The following IFT81 variants were observed in gnomAD, a reference collection of about 807,000 sequenced individuals.
IFT81 encodes the protein intraflagellar transport 81.
IFT81 carries 72 observed loss-of-function variants against 102.6 expected under a neutral mutation model. The observed-to-expected ratio is 0.70, with a 90% CI of 0.58 to 0.85. The LOEUF is 0.85. Ranked by LOEUF, IFT81 falls within the 40% of genes least tolerant of loss-of-function variation. IFT81 has a pLI of 0.00. For synonymous variants in IFT81, 237 were observed against 242.7 expected (o/e 0.98, Z 0.22); for missense variants, 723 against 787.3 (o/e 0.92, Z 0.98).
chr12:110,155,662 TAATC>T (rs922337564), intron 10 of IFT81, among the ~76,000 whole-genome samples: 12 of 152,310 alleles, frequency 7.9e-5, no homozygotes, highest in African/African-American at 2.6e-4. Flanking sequence ...TTTAATTAGA[TAATC>T]AATCTATTTA....
intron 12 of IFT81, among the ~76,000 whole-genome samples, chr12:110,187,016 G>A (rs1454849287): frequency 6.8e-6 from 1 of 146,804 alleles, no homozygotes; most frequent in Non-Finnish European, 1.5e-5. Context: ...TTTCTACTGT[G>A]CTATTTTTCC....
In IFT81 at chr12:110,155,373, C is replaced by T. The variant is rs138704898; in HGVS notation, c.1042-7546C>T. Among the ~76,000 whole-genome samples the T allele has an allele frequency of 4.1e-3, 621 of 152,156 alleles. 7 individuals are homozygous for T. Among genetic ancestry groups the T allele is most frequent in the South Asian group, 6.8e-3 (33 of 4,822 alleles). ...TTGCCCAGGCTGGAGTACAATGGCG[C>T]GATCTCAGCTCACTGCAACCTCCAC... On this transcript the variant is annotated intron_variant, in intron 10 of 18. Coordinates refer to ENST00000242591, the MANE Select transcript of IFT81 (RefSeq NM_014055.4).
intron 3 of IFT81, among the ~76,000 whole-genome samples, chr12:110,128,463 C>A (rs1055273599): frequency 2.0e-5 from 3 of 150,640 alleles, no homozygotes; most frequent in African/African-American, 7.3e-5. Flanking sequence ...CCAAATTTTT[C>A]TAATTTTCTA....
intron 10 of IFT81, among the ~76,000 whole-genome samples, chr12:110,150,915 T>A (rs1462140249): frequency 2.0e-5 from 3 of 152,134 alleles, no homozygotes; most frequent in Admixed American, 2.0e-4. Flanking sequence ...GAAGAACATA[T>A]TAAACACACT....
chr12:110,200,980 T>C (rs1289009517), intron 14 of IFT81, among the ~76,000 whole-genome samples: 2 of 152,056 alleles, frequency 1.3e-5, no homozygotes, highest in African/African-American at 4.8e-5. Flanking sequence ...TTTCTTACTT[T>C]ATAAACTTCT....
At chr12:110,191,910 C>G (rs1897815523) in intron 13 of IFT81, among the ~76,000 whole-genome samples, 1 of 152,062 alleles carries the variant, frequency 6.6e-6, no homozygotes, top group Non-Finnish European at 1.5e-5. Flanking sequence ...GTGGCTCACA[C>G]CTGTAATCCC....
chr12:110,166,027 G>A (rs563756074), intron 11 of IFT81, among the ~76,000 whole-genome samples: 12 of 152,268 alleles, frequency 7.9e-5, no homozygotes, highest in Middle Eastern at 3.4e-3. Flanking sequence ...TGGTTTTGCC[G>A]TTTACCAGCT....
At chr12:110,198,403 A>G (rs1364887455) in intron 14 of IFT81, among the ~76,000 whole-genome samples, 3 of 151,116 alleles carry the variant, frequency 2.0e-5, no homozygotes. Context: ...ACTGGTTTTC[A>G]TATTTTTATC....
chr12:110,196,550 G>T (rs1242284737), intron 14 of IFT81, among the ~76,000 whole-genome samples: 1 of 151,938 alleles, frequency 6.6e-6, no homozygotes, highest in Non-Finnish European at 1.5e-5. Context: ...AAATCTTCCT[G>T]GTTAAAAAAC....
chr12:110,127,363 A>G lies in IFT81; in HGVS notation c.-18A>G. On this transcript the variant is annotated 5_prime_UTR_variant, in exon 2 of 19. Coordinates refer to ENST00000242591, the MANE Select transcript of IFT81 (RefSeq NM_014055.4). ...TTTTTCTATTTTTACTCTTTAGTTA[A>G]AATTATAAGACCTAATTATGAGTGA... 6.7e-7 allele frequency: 1 copy of G among 1,502,778 alleles called. No homozygotes were observed. The highest frequency in any genetic ancestry group is 8.8e-7 in the Non-Finnish European group (1 of 1,131,722). 93.1% of individuals were successfully genotyped at this position (1,502,778 alleles called of 1,614,324 possible).
At chr12:110,167,194 C>T (rs1369365284) in intron 11 of IFT81, among the ~76,000 whole-genome samples, 1 of 151,854 alleles carries the variant, frequency 6.6e-6, no homozygotes, top group Non-Finnish European at 1.5e-5. Flanking sequence ...CATTGGTTTT[C>T]CTTATTAGTA....
chr12:110,179,755 T>C lies in IFT81; in HGVS notation c.1189-667T>C, dbSNP rs1268446787. ...ATATATATATATATATATATATATATATATATATATATATATATACACACA... is the reference window on the plus strand; with the variant it reads ...ATATATATATATATATATATATATACATATATATATATATATATACACACA... On this transcript the variant is annotated intron_variant, in intron 11 of 18. Transcript: ENST00000242591. 8.9e-4 allele frequency among the ~76,000 whole-genome samples: 51 copies of C among 57,140 alleles called. 3 individuals are homozygous for C. Among genetic ancestry groups the C allele is most frequent in the Middle Eastern group, 7.8e-3 (1 of 128 alleles). The allele number at this position is 57,140 out of a possible 152,430, so 37.5% of individuals were successfully genotyped here.
intron 10 of IFT81, among the ~76,000 whole-genome samples, chr12:110,152,391 T>A (rs1431252874): frequency 6.6e-6 from 1 of 152,176 alleles, no homozygotes. Flanking sequence ...TTACATTTCC[T>A]TGATGATTAG....
At chr12:110,177,958 G>C (rs1304880473) in intron 11 of IFT81, among the ~76,000 whole-genome samples, 1 of 150,912 alleles carries the variant, frequency 6.6e-6, no homozygotes, top group Non-Finnish European at 1.5e-5. Context: ...AGCCAGGCAT[G>C]GTGGCGTGTG....
chr12:110,164,696 G>A (rs1896338365), intron 11 of IFT81, among the ~76,000 whole-genome samples: 1 of 152,122 alleles, frequency 6.6e-6, no homozygotes, highest in African/African-American at 2.4e-5. Flanking sequence ...GATTCAGGAA[G>A]TCAACATGTG....
At chr12:110,187,431 T>A (rs1463141867) in intron 12 of IFT81, among the ~76,000 whole-genome samples, 1 of 151,980 alleles carries the variant, frequency 6.6e-6, no homozygotes, top group African/African-American at 2.4e-5. Context: ...ACCCGGCTAA[T>A]TTTTTGTATT....
At chr12:110,127,053 G>A (rs1169389683) in intron 1 of IFT81, among the ~76,000 whole-genome samples, 1 of 152,130 alleles carries the variant, frequency 6.6e-6, no homozygotes, top group African/African-American at 2.4e-5. Flanking sequence ...ATTATGCACC[G>A]GTATGGGAGA....
chr12:110,205,759 C>A (rs561242472), intron 17 of IFT81, 79 bp downstream of exon 17: 9 of 869,798 alleles, frequency 1.0e-5, no homozygotes, highest in South Asian at 9.8e-5. Flanking sequence ...TAGAATTATA[C>A]AAATTTAGCA....
chr12:110,184,890 G>A (rs980613199), intron 12 of IFT81, among the ~76,000 whole-genome samples: 5 of 152,192 alleles, frequency 3.3e-5, no homozygotes, highest in African/African-American at 1.2e-4. Context: ...TGGACCCAGA[G>A]GGGCAGCAGC....
Sources: allele counts gnomAD v4.1 joint callset (sites outside exome capture counted in the v4.1 genomes callset), GRCh38; gene constraint gnomAD v4.1.1; transcripts MANE v1.5; gene names NCBI Gene and HGNC (gene_info 2026-07-23, HGNC 2026-07-21).